Variants in PATJ observed in about 807,000 individuals in gnomAD.
The protein encoded by PATJ is PATJ crumbs cell polarity complex component, also known as inaD-like protein.
A neutral mutation model predicts 224.9 loss-of-function variants in PATJ; 190 were observed. The ratio of observed to expected loss-of-function variants is 0.84; its 90% CI spans 0.75 to 0.95. PATJ has a LOEUF of 0.95. PATJ is among the 40% of genes least tolerant of loss of function. The pLI, the probability that PATJ is intolerant of heterozygous loss-of-function variation, is 0.00. For synonymous variants in PATJ, 769 were observed against 820.3 expected (o/e 0.94, Z 1.07); for missense variants, 2,121 against 2,270.3 (o/e 0.93, Z 1.34).
chr1:61,848,843 T>C (rs1017490675), intron 17 of PATJ, among the ~76,000 whole-genome samples: 8 of 152,232 alleles, frequency 5.3e-5, no homozygotes, highest in Non-Finnish European at 1.2e-4. Flanking sequence ...CAAATAATAA[T>C]GGCCACATTT....
At position 61,805,429 on chromosome 1, in the gene PATJ, C is replaced by T. The variant is rs762585705; in HGVS notation, c.1550-19C>T. On this transcript the variant is annotated intron_variant, in intron 12 of 43. Coordinates refer to ENST00000642238, the MANE Select transcript of PATJ (RefSeq NM_001350145.3). ...GTTTCAACATTCTCTCGCTCTCTCT[C>T]TTTTTTTTTAATATCCAGAAAAAGT... 92 of 1,483,402 alleles carry T rather than the reference C, an allele frequency of 6.2e-5. No individual in the cohort carries two copies. The highest frequency in any genetic ancestry group is 8.1e-5 in the Non-Finnish European group (87 of 1,070,540). 91.9% of individuals were successfully genotyped at this position (1,483,402 alleles called of 1,614,324 possible).
At chr1:61,957,151 G>T (rs1470809968) in intron 27 of PATJ, among the ~76,000 whole-genome samples, 1 of 152,160 alleles carries the variant, frequency 6.6e-6, no homozygotes, top group Non-Finnish European at 1.5e-5. Flanking sequence ...ATGTAGAAAA[G>T]GTCATTTTGC....
intron 27 of PATJ, among the ~76,000 whole-genome samples, chr1:61,942,017 G>T (rs1677891222): frequency 1.3e-5 from 2 of 152,154 alleles, no homozygotes; most frequent in Non-Finnish European, 2.9e-5. Context: ...TATTGATCTT[G>T]CACTGCTTCA....
intron 27 of PATJ, among the ~76,000 whole-genome samples, chr1:61,963,572 G>A (rs138743135): frequency 4.6e-5 from 7 of 152,062 alleles, no homozygotes; most frequent in Non-Finnish European, 8.8e-5. Flanking sequence ...CTCCAGCCTG[G>A]GAGACAGAGT....
At chr1:61,779,257 A>T (rs1647112402) in intron 7 of PATJ, among the ~76,000 whole-genome samples, 1 of 152,216 alleles carries the variant, frequency 6.6e-6, no homozygotes, top group Non-Finnish European at 1.5e-5. Flanking sequence ...TGGCAAGTCC[A>T]AAATACGTAG....
At chr1:61,836,851 A>G (rs1475863887) in intron 17 of PATJ, among the ~76,000 whole-genome samples, 1 of 152,268 alleles carries the variant, frequency 6.6e-6, no homozygotes, top group East Asian at 1.9e-4. Flanking sequence ...GGGCCAAGGC[A>G]AATTCTTGCC....
chr1:62,032,834 T>TG lies in PATJ; in HGVS notation c.3960-5136dup, dbSNP rs376700713. 5.3e-5 allele frequency among the ~76,000 whole-genome samples: 8 copies of TG among 152,124 alleles called. No homozygotes were observed. The East Asian group carries it at 5.8e-4, about 11-fold the overall frequency. ...GATTTAACTGACAGTTCAGCGTGTC[T>TG]GGGGGGGCCTCAAGAAACTTATAAT... On this transcript the variant is annotated intron_variant, in intron 29 of 43. Transcript: ENST00000642238.
intron 33 of PATJ, among the ~76,000 whole-genome samples, chr1:62,084,912 G>T (rs144614684): frequency 0.021 from 3,200 of 152,210 alleles, 128 homozygotes; most frequent in African/African-American, 0.073. Flanking sequence ...AAGCCCAGGA[G>T]TTCAAGACCA....
rs1382322154 is a variant in PATJ, at chr1:61,884,288, T to C, written c.3011T>C (p.Val1004Ala). 1 of 1,613,714 alleles carries C rather than the reference T, an allele frequency of 6.2e-7. No individual in the cohort carries two copies. The highest frequency in any genetic ancestry group is 8.5e-7 in the Non-Finnish European group (1 of 1,179,900). ...CCTAGCTTGCTCATTGACCTTCCTG[T>C]TGTGGCTCAAAGGAGGGAGCAAGAA... ...QGPSLLIDLP[V>A]VAQRREQEDL... Residue 1004 changes from valine (V) to alanine (A), a missense_variant, in exon 22 of 44, where the codon GTT (valine) becomes GCT (alanine). By Grantham distance (64) the Val-to-Ala change is moderately conservative. Transcript: ENST00000642238.
At chr1:62,013,669 G>A (rs1184964011) in intron 28 of PATJ, among the ~76,000 whole-genome samples, 3 of 152,202 alleles carry the variant, frequency 2.0e-5, no homozygotes, top group Admixed American at 6.5e-5. Context: ...TAGGATAGGT[G>A]ATTTAGAAAA....
At chr1:62,036,250 G>A (rs141823641) in intron 29 of PATJ, among the ~76,000 whole-genome samples, 15 of 152,334 alleles carry the variant, frequency 9.8e-5, no homozygotes, top group Admixed American at 1.3e-4. Context: ...ACATGCCGGT[G>A]AGAAATGATG....
intron 30 of PATJ, 112 bp from the exon 31 acceptor site, chr1:62,050,854 A>G: frequency 1.3e-6 from 1 of 769,062 alleles, no homozygotes; most frequent in Non-Finnish European, 2.2e-6. Context: ...CTCAGAGGAA[A>G]CAATATCCAC....
chr1:61,855,371 C>T (rs1416814032), intron 17 of PATJ, among the ~76,000 whole-genome samples: 1 of 152,120 alleles, frequency 6.6e-6, no homozygotes, highest in Non-Finnish European at 1.5e-5. Context: ...TATATTTTCA[C>T]CTTGATACAA....
intron 43 of PATJ, 123 bp from the exon 44 acceptor site, chr1:62,160,785 A>T: frequency 1.0e-6 from 1 of 968,888 alleles, no homozygotes; most frequent in Non-Finnish European, 1.5e-6. Flanking sequence ...GAAAAAACTT[A>T]ATTGGTAGTT....
At chr1:61,804,702 A>G (rs952870863) in intron 12 of PATJ, among the ~76,000 whole-genome samples, 1 of 152,194 alleles carries the variant, frequency 6.6e-6, no homozygotes, top group Non-Finnish European at 1.5e-5. Flanking sequence ...TATTCATACT[A>G]TGCACCGTGC....
chr1:61,835,665 A>G (rs928305452), intron 17 of PATJ, among the ~76,000 whole-genome samples: 1 of 152,080 alleles, frequency 6.6e-6, no homozygotes, highest in Non-Finnish European at 1.5e-5. Flanking sequence ...CAGCCTCCTA[A>G]TGTGCTGGGA....
intron 11 of PATJ, among the ~76,000 whole-genome samples, chr1:61,800,390 T>C (rs1347822451): frequency 6.6e-6 from 1 of 152,168 alleles, no homozygotes; most frequent in East Asian, 1.9e-4. Flanking sequence ...TTTGAGAAAA[T>C]GTCTGTTCAT....
intron 31 of PATJ, among the ~76,000 whole-genome samples, chr1:62,056,025 C>T (rs1654475731): frequency 6.6e-6 from 1 of 152,152 alleles, no homozygotes; most frequent in African/African-American, 2.4e-5. Flanking sequence ...GTCCCAGCTT[C>T]AGAAAAGAGC....
intron 41 of PATJ, among the ~76,000 whole-genome samples, chr1:62,137,320 G>C (rs1261416942): frequency 6.7e-6 from 1 of 148,210 alleles, no homozygotes; most frequent in Non-Finnish European, 1.5e-5. Flanking sequence ...GGAGAACCCT[G>C]TTGGAGAAAC....
Sources: gnomAD v4.1 joint callset for allele counts (sites outside exome capture counted in the v4.1 genomes callset) on GRCh38, gnomAD v4.1.1 for gene constraint, MANE v1.5 for transcripts, NCBI Gene and HGNC (gene_info 2026-07-23, HGNC 2026-07-21) for gene names.